The following DPYD variants were observed in gnomAD, a reference collection of about 807,000 sequenced individuals.
DPYD encodes dihydropyrimidine dehydrogenase, also known as dihydropyrimidine dehydrogenase [NADP(+)].
A neutral mutation model predicts 116.2 loss-of-function variants in DPYD; 109 were observed. The ratio of observed to expected loss-of-function variants is 0.94; its 90% CI spans 0.80 to 1.10. The LOEUF is 1.10. DPYD is among the 50% of genes least tolerant of loss of function. The pLI is 0.00. For synonymous variants in DPYD, 440 were observed against 432.0 expected (o/e 1.02, Z -0.23); for missense variants, 1,302 against 1,254.5 (o/e 1.04, Z -0.57).
rs1057387215 is a variant in DPYD at position 97,078,776 on chromosome 1, T to C, written c.*200A>G. On this transcript the variant is annotated 3_prime_UTR_variant, in exon 23 of 23. Coordinates refer to ENST00000370192, the MANE Select transcript of DPYD (RefSeq NM_000110.4). ...TACTATCCTCAGAAAAGAATTATTC[T>C]ATTTTATGACCACTAATTGAATGGT... The C allele has an allele frequency of 2.2e-5, 13 of 601,678 alleles. No homozygotes were observed. Among genetic ancestry groups the C allele is most frequent in the South Asian group, 6.1e-5 (3 of 49,586 alleles). The allele number at this position is 601,678 out of a possible 1,614,324, so 37.3% of individuals were successfully genotyped here.
intron 2 of DPYD, among the ~76,000 whole-genome samples, chr1:97,847,354 G>A (rs1353998734): frequency 6.6e-6 from 1 of 152,112 alleles, no homozygotes; most frequent in African/African-American, 2.4e-5. Context: ...AAATAAAAGT[G>A]TTACAAACTT....
intron 8 of DPYD, among the ~76,000 whole-genome samples, chr1:97,621,192 G>C (rs1656612815): frequency 6.6e-6 from 1 of 152,088 alleles, no homozygotes; most frequent in Admixed American, 6.6e-5. Flanking sequence ...AACATGCTAA[G>C]TATCTGGCAC....
intron 3 of DPYD, among the ~76,000 whole-genome samples, chr1:97,820,561 G>A (rs1270170845): frequency 6.6e-6 from 1 of 152,152 alleles, no homozygotes; most frequent in Non-Finnish European, 1.5e-5. Flanking sequence ...CTGTATAAAT[G>A]GCTGTTTATG....
intron 14 of DPYD, among the ~76,000 whole-genome samples, chr1:97,396,497 T>G (rs948363537): frequency 6.6e-6 from 1 of 152,022 alleles, no homozygotes; most frequent in African/African-American, 2.4e-5. Flanking sequence ...TCACTACAGC[T>G]CTGCATACCA....
intron 1 of DPYD, among the ~76,000 whole-genome samples, chr1:97,904,958 T>C (rs1673535750): frequency 2.0e-5 from 3 of 152,024 alleles, no homozygotes; most frequent in Admixed American, 2.0e-4. Flanking sequence ...ACCTGCATAG[T>C]CAATGTAATC....
At chr1:97,537,716 C>T (rs1650121049) in intron 12 of DPYD, among the ~76,000 whole-genome samples, 1 of 152,104 alleles carries the variant, frequency 6.6e-6, no homozygotes, top group Non-Finnish European at 1.5e-5. Context: ...AATGAAAAGG[C>T]TTCCCTAAAT....
chr1:97,760,467 T>C (rs1665512804), intron 3 of DPYD, among the ~76,000 whole-genome samples: 1 of 152,170 alleles, frequency 6.6e-6, no homozygotes, highest in Non-Finnish European at 1.5e-5. Context: ...AATTTTAAGA[T>C]ACAGTATAGC....
chr1:97,893,703 A>T (rs999660453), intron 1 of DPYD, among the ~76,000 whole-genome samples: 1 of 151,554 alleles, frequency 6.6e-6, no homozygotes, highest in African/African-American at 2.4e-5. Flanking sequence ...TAGTTAACAC[A>T]AATAGTTTAC....
rs140453167 is a variant in DPYD, at chr1:97,202,109, T to C, written c.2443-8861A>G. ...TATGTTCTGACCACAGCAAATAGGA[T>C]TGGGAAAAAAAGAACAACAAACGAA... On this transcript the variant is annotated intron_variant, in intron 19 of 22. Transcript: ENST00000370192. Among the ~76,000 whole-genome samples the C allele has an allele frequency of 1.2e-4, 18 of 152,166 alleles. No individual in the cohort carries two copies. The East Asian group carries it at 2.9e-3, about 24-fold the overall frequency.
At chr1:97,629,189 G>T (rs1258832033) in intron 8 of DPYD, among the ~76,000 whole-genome samples, 1 of 151,996 alleles carries the variant, frequency 6.6e-6, no homozygotes, top group Admixed American at 6.6e-5. Flanking sequence ...AATGGCATGC[G>T]GATTCTGATG....
intron 1 of DPYD, among the ~76,000 whole-genome samples, chr1:97,905,547 A>G (rs1673570604): frequency 6.6e-6 from 1 of 152,046 alleles, no homozygotes; most frequent in African/African-American, 2.4e-5. Flanking sequence ...CAACAAATAA[A>G]GATTCTGTCC....
intron 3 of DPYD, among the ~76,000 whole-genome samples, chr1:97,827,443 A>C (rs551177066): frequency 1.2e-4 from 19 of 152,202 alleles, no homozygotes; most frequent in Middle Eastern, 6.8e-3. Flanking sequence ...ACAAATTTTC[A>C]ATGTCTAATA....
intron 21 of DPYD, among the ~76,000 whole-genome samples, chr1:97,089,289 G>C (rs1463938534): frequency 6.6e-6 from 1 of 152,106 alleles, no homozygotes; most frequent in Non-Finnish European, 1.5e-5. Flanking sequence ...AAGCATTCGG[G>C]GGACTTTATA....
chr1:97,557,065 G>GTATC (rs1388758627), intron 11 of DPYD, among the ~76,000 whole-genome samples: 24 of 151,822 alleles, frequency 1.6e-4, no homozygotes, highest in Admixed American at 5.9e-4. Flanking sequence ...GTGTGAGGTG[G>GTATC]TATCTCATTG....
rs566209146 is a variant in DPYD, at chr1:97,595,312, TA to T, written c.851-147del. Reference sequence around the variant, plus strand: ...TAAGCAAATCAATATAAAATGTACATAATACAGTCTAACGGATCTCAGAGTA... The same window carrying T: ...TAAGCAAATCAATATAAAATGTACATATACAGTCTAACGGATCTCAGAGTA... On this transcript the variant is annotated intron_variant, in intron 8 of 22. Transcript: ENST00000370192. 3.6e-3 allele frequency: 2,285 copies of T among 635,488 alleles called. 3 individuals carry two copies. Among genetic ancestry groups the T allele is most frequent in the Non-Finnish European group, 5.2e-3 (1,897 of 365,860 alleles). The allele number at this position is 635,488 out of a possible 1,614,324, so 39.4% of individuals were successfully genotyped here.
chr1:97,344,617 C>T (rs1669751446), intron 16 of DPYD, among the ~76,000 whole-genome samples: 1 of 150,406 alleles, frequency 6.6e-6, no homozygotes, highest in African/African-American at 2.4e-5. Context: ...ACACACACTA[C>T]ATTGATATAT....
At chr1:97,510,955 C>A (rs560179663) in intron 13 of DPYD, among the ~76,000 whole-genome samples, 18 of 151,974 alleles carry the variant, frequency 1.2e-4, no homozygotes, top group African/African-American at 4.1e-4. Flanking sequence ...AAAGCTCAGC[C>A]ATCTCCGCAA....
intron 13 of DPYD, among the ~76,000 whole-genome samples, chr1:97,483,611 A>G (rs986065635): frequency 6.6e-6 from 1 of 152,156 alleles, no homozygotes; most frequent in Non-Finnish European, 1.5e-5. Context: ...TTACCTATGT[A>G]ACAAACCTGG....
intron 16 of DPYD, among the ~76,000 whole-genome samples, chr1:97,357,461 T>C (rs771117672): frequency 3.3e-5 from 5 of 152,180 alleles, no homozygotes; most frequent in Non-Finnish European, 7.3e-5. Context: ...CCTATTTGCA[T>C]GCATTTAATT....
Sources: allele counts gnomAD v4.1 joint callset (sites outside exome capture counted in the v4.1 genomes callset), GRCh38; gene constraint gnomAD v4.1.1; transcripts MANE v1.5; gene names NCBI Gene and HGNC (gene_info 2026-07-23, HGNC 2026-07-21).